Variants in NLGN1 observed in about 807,000 individuals in gnomAD.
The protein encoded by NLGN1 is neuroligin 1, also known as neuroligin-1.
A neutral mutation model predicts 65.5 loss-of-function variants in NLGN1; 12 were observed. The observed-to-expected ratio is 0.18, with a 90% CI of 0.12 to 0.30. The LOEUF is 0.30. Ranked by LOEUF, NLGN1 falls within the 10% of genes least tolerant of loss-of-function variation. The pLI is 1.00. For synonymous variants in NLGN1, 350 were observed against 359.5 expected (o/e 0.97, Z 0.30); for missense variants, 750 against 1,007.1 (o/e 0.74, Z 3.46).
At chr3:173,577,716 T>C (rs1387814376) in intron 2 of NLGN1, among the ~76,000 whole-genome samples, 1 of 152,148 alleles carries the variant, frequency 6.6e-6, no homozygotes, top group Non-Finnish European at 1.5e-5. Flanking sequence ...TTTATTCACA[T>C]ACAAGCAAAA....
At chr3:173,653,819 C>G (rs985011917) in intron 3 of NLGN1, among the ~76,000 whole-genome samples, 1 of 152,080 alleles carries the variant, frequency 6.6e-6, no homozygotes, top group Non-Finnish European at 1.5e-5. Context: ...GGTCTAGGAA[C>G]CTCAGTTTTA....
At chr3:174,283,886 A>C (rs961249305) in exon 7 of NLGN1, 12 of 151,516 alleles carry the variant, frequency 7.9e-5, no homozygotes, top group Non-Finnish European at 1.2e-4. Flanking sequence ...GTATTAATTA[A>C]ACAAAACACA....
chr3:173,546,049 A>G (rs1208337384), intron 2 of NLGN1, among the ~76,000 whole-genome samples: 1 of 152,162 alleles, frequency 6.6e-6, no homozygotes, highest in Non-Finnish European at 1.5e-5. Flanking sequence ...CCTATGTAAC[A>G]AACCTCCACG....
chr3:173,686,826 G>A (rs1264511186), intron 3 of NLGN1, among the ~76,000 whole-genome samples: 16 of 151,978 alleles, frequency 1.1e-4, no homozygotes, highest in Non-Finnish European at 5.9e-5. Context: ...GGTGGCAGGC[G>A]CCTGTAATTC....
chr3:173,755,940 G>A (rs1464939167), intron 3 of NLGN1, among the ~76,000 whole-genome samples: 1 of 152,000 alleles, frequency 6.6e-6, no homozygotes, highest in Admixed American at 6.6e-5. Flanking sequence ...GATTCAACTG[G>A]AAGATCAATT....
At chr3:174,227,762 C>T (rs1261017368) in intron 4 of NLGN1, among the ~76,000 whole-genome samples, 2 of 151,920 alleles carry the variant, frequency 1.3e-5, no homozygotes, top group East Asian at 3.8e-4. Context: ...TGTGAAATAG[C>T]ATTACTTAAT....
chr3:173,888,652 C>T (rs574042834), intron 4 of NLGN1, among the ~76,000 whole-genome samples: 1 of 152,150 alleles, frequency 6.6e-6, no homozygotes, highest in Non-Finnish European at 1.5e-5. Flanking sequence ...ATATAATAAA[C>T]TTATGACATT....
intron 4 of NLGN1, among the ~76,000 whole-genome samples, chr3:174,104,587 A>G (rs974727994): frequency 1.3e-5 from 2 of 152,202 alleles, no homozygotes; most frequent in African/African-American, 4.8e-5. Flanking sequence ...TAATCTAAAT[A>G]AGAATAAAAG....
chr3:174,237,562 AT>A (rs925696246), intron 4 of NLGN1, among the ~76,000 whole-genome samples: 7 of 151,064 alleles, frequency 4.6e-5, no homozygotes, highest in African/African-American at 9.7e-5. Flanking sequence ...GTTAGGATAC[AT>A]TTTTTTTTCT....
intron 2 of NLGN1, among the ~76,000 whole-genome samples, chr3:173,471,162 C>G (rs762537094): frequency 3.9e-5 from 6 of 152,062 alleles, no homozygotes; most frequent in Non-Finnish European, 5.9e-5. Context: ...CTACTGTTGC[C>G]TCGGGTCAGC....
At chr3:173,862,426 A>G (rs991842826) in intron 4 of NLGN1, among the ~76,000 whole-genome samples, 12 of 147,302 alleles carry the variant, frequency 8.1e-5, no homozygotes, top group Non-Finnish European at 1.5e-4. Flanking sequence ...GAATGGCGTG[A>G]ACCCGGGAGA....
At chr3:173,851,241 T>A (rs1238124261) in intron 4 of NLGN1, among the ~76,000 whole-genome samples, 1 of 152,184 alleles carries the variant, frequency 6.6e-6, no homozygotes, top group Non-Finnish European at 1.5e-5. Context: ...CCAAGAATCA[T>A]GACAGGATTC....
At chr3:174,209,439 C>A (rs1736029055) in intron 4 of NLGN1, among the ~76,000 whole-genome samples, 1 of 151,984 alleles carries the variant, frequency 6.6e-6, no homozygotes, top group Non-Finnish European at 1.5e-5. Context: ...CCCGTATTTT[C>A]CAGTGGGTAT....
At chr3:173,691,654 T>C (rs552284780) in intron 3 of NLGN1, among the ~76,000 whole-genome samples, 1 of 152,132 alleles carries the variant, frequency 6.6e-6, no homozygotes, top group African/African-American at 2.4e-5. Context: ...CTAGAGCTTG[T>C]GTTGAGATCA....
chr3:173,703,185 T>C (rs1005628322), intron 3 of NLGN1, among the ~76,000 whole-genome samples: 2 of 152,068 alleles, frequency 1.3e-5, no homozygotes, highest in Non-Finnish European at 2.9e-5. Context: ...CGAAGTTACA[T>C]TTGCATGCTA....
At chr3:173,755,006 A>C in intron 3 of NLGN1, among the ~76,000 whole-genome samples, 1 of 152,154 alleles carries the variant, frequency 6.6e-6, no homozygotes, top group Non-Finnish European at 1.5e-5. Context: ...AGATAAAACT[A>C]TCAGATCAAG....
chr3:173,717,223 G>A (rs1381199913), intron 3 of NLGN1, among the ~76,000 whole-genome samples: 1 of 152,146 alleles, frequency 6.6e-6, no homozygotes, highest in Non-Finnish European at 1.5e-5. Context: ...AAAAGTTGAT[G>A]TGATCTGTTC....
At position 173,523,437 on chromosome 3, in the gene NLGN1, T is replaced by C. The variant is rs138222747; in HGVS notation, c.-320-80842T>C. On this transcript the variant is annotated intron_variant, in intron 2 of 6. Transcript: ENST00000457714. ...ATCTTGAGTTAATTTTTGTATATGA[T>C]GAGAGATAAGGATCCAATTTTATTC... Among the ~76,000 whole-genome samples, 621 of 151,860 alleles carry C rather than the reference T, an allele frequency of 4.1e-3. 6 individuals are homozygous for C. The highest frequency in any genetic ancestry group is 0.014 in the African/African-American group (591 of 41,492).
At chr3:173,506,306 C>T (rs1293552376) in intron 2 of NLGN1, among the ~76,000 whole-genome samples, 3 of 151,880 alleles carry the variant, frequency 2.0e-5, no homozygotes, top group East Asian at 1.9e-4. Context: ...CAGATTTTAA[C>T]GAAATGAGGT....
Sources: gnomAD v4.1 joint callset for allele counts (sites outside exome capture counted in the v4.1 genomes callset) on GRCh38, gnomAD v4.1.1 for gene constraint, MANE v1.5 for transcripts, NCBI Gene and HGNC (gene_info 2026-07-23, HGNC 2026-07-21) for gene names.